NADSYN1: variants seen among roughly 807,000 people sequenced by gnomAD.
NADSYN1 encodes NAD synthetase 1, also known as glutamine-dependent NAD(+) synthetase.
In NADSYN1, 80 loss-of-function variants were observed where a neutral mutation model predicts 99.3. The ratio of observed to expected loss-of-function variants is 0.81; its 90% CI spans 0.67 to 0.97. The LOEUF (loss-of-function observed/expected upper bound fraction) is 0.97. Ranked by LOEUF, NADSYN1 falls within the 50% of genes least tolerant of loss-of-function variation. The pLI, the probability that NADSYN1 is intolerant of heterozygous loss-of-function variation, is 0.00. For missense variants in NADSYN1, 859 were observed against 948.5 expected (o/e 0.91, Z 1.24); for synonymous variants, 385 against 372.1 (o/e 1.03, Z -0.40).
At chr11:71,493,799 GTTA>G (rs1949800644) in intron 18 of NADSYN1, among the ~76,000 whole-genome samples, 1 of 152,054 alleles carries the variant, frequency 6.6e-6, no homozygotes, top group Admixed American at 6.6e-5. Context: ...GTTTTAAGCT[GTTA>G]TTATATGAGT....
chr11:71,475,303 A>C (rs895958243), intron 9 of NADSYN1: 6 of 153,426 alleles, frequency 3.9e-5, no homozygotes, highest in African/African-American at 1.4e-4. Flanking sequence ...CACTCTGGTC[A>C]GGGAGGCTTT....
At chr11:71,455,058 A>G (rs1949504010) in intron 1 of NADSYN1, 52 bp from the exon 2 acceptor site, 3 of 1,359,610 alleles carry the variant, frequency 2.2e-6, no homozygotes, top group Non-Finnish European at 3.1e-6. Flanking sequence ...TCTGTCTTTG[A>G]GTGTATAGGT....
intron 20 of NADSYN1, 80 bp from the exon 21 acceptor site, chr11:71,501,220 CCG>C: frequency 7.6e-7 from 1 of 1,307,902 alleles, no homozygotes; most frequent in Non-Finnish European, 1.0e-6. Flanking sequence ...GACTTGTGAC[CCG>C]CTTTTGGTGC....
chr11:71,458,566 G>A, intron 3 of NADSYN1, 22 bp downstream of exon 3: 2 of 1,557,942 alleles, frequency 1.3e-6, no homozygotes. Flanking sequence ...TGTGAGTGTG[G>A]AAGGGCAAAC....
intron 2 of NADSYN1, among the ~76,000 whole-genome samples, chr11:71,456,969 T>G (rs755641863): frequency 6.6e-6 from 1 of 152,226 alleles, no homozygotes; most frequent in Non-Finnish European, 1.5e-5. Context: ...CCAGAGACCC[T>G]CTCACCTAGA....
chr11:71,472,574 C>A, intron 6 of NADSYN1, 74 bp downstream of exon 6: 3 of 1,390,204 alleles, frequency 2.2e-6, no homozygotes, highest in Non-Finnish European at 3.1e-6. Flanking sequence ...CCAGGTGGGG[C>A]GGGAACGCTT....
intron 11 of NADSYN1, 153 bp from the exon 12 acceptor site, chr11:71,481,203 C>A: frequency 2.6e-6 from 2 of 764,566 alleles, no homozygotes; most frequent in Non-Finnish European, 4.4e-6. Context: ...CACATGTGTC[C>A]CTTCTCACGA....
chr11:71,464,402 G>A (rs1327305391), intron 5 of NADSYN1: 10 of 408,616 alleles, frequency 2.4e-5, no homozygotes, highest in Admixed American at 7.8e-5. Flanking sequence ...ACAATGTCCC[G>A]GGGTTTAAAT....
At chr11:71,490,602 G>A (rs545069153) in intron 16 of NADSYN1, among the ~76,000 whole-genome samples, 19 of 152,272 alleles carry the variant, frequency 1.2e-4, no homozygotes, top group East Asian at 1.2e-3. Flanking sequence ...TCCCAGCTCC[G>A]TGCTGGTGAC....
At chr11:71,467,219 C>G (rs1949598202) in intron 5 of NADSYN1, among the ~76,000 whole-genome samples, 1 of 152,116 alleles carries the variant, frequency 6.6e-6, no homozygotes, top group African/African-American at 2.4e-5. Context: ...TCCATGTGGA[C>G]CCAAGATGAG....
At chr11:71,456,502 A>T (rs375573075) in intron 2 of NADSYN1, among the ~76,000 whole-genome samples, 1 of 152,100 alleles carries the variant, frequency 6.6e-6, no homozygotes, top group East Asian at 1.9e-4. Flanking sequence ...CGGGGGCCTG[A>T]TCCTCATGTC....
chr11:71,480,776 C>A lies in NADSYN1; in HGVS notation c.895C>A (p.Pro299Thr), dbSNP rs1351922137. 2.5e-6 allele frequency: 4 copies of A among 1,614,058 alleles called. No individual in the cohort carries two copies. The highest frequency in any genetic ancestry group is 3.4e-6 in the Non-Finnish European group (4 of 1,180,036). The change falls in exon 11 of 21, where the codon CCC (proline) becomes ACC (threonine). Residue 299 changes from proline to threonine, a missense_variant. Physicochemically the swap from Pro to Thr is conservative, Grantham distance 38. Coordinates refer to ENST00000319023, the MANE Select transcript of NADSYN1 (RefSeq NM_018161.5). ...NLAASRASPY[P>T]RVKVDFALSC... is the part of the protein sequence containing the mutation. ...CCAGGCCAGCAGGGCGAGCCCCTAC[C>A]CCAGAGTGAAGGTGGACTTTGCCCT...
intron 16 of NADSYN1, among the ~76,000 whole-genome samples, chr11:71,490,201 G>A (rs538235872): frequency 3.3e-5 from 5 of 152,238 alleles, no homozygotes; most frequent in East Asian, 1.9e-4. Flanking sequence ...CGCCTCCTCC[G>A]TCTTCACCAC....
At chr11:71,498,559 T>G (rs1212338311) in intron 20 of NADSYN1, 31 bp downstream of exon 20, 4 of 1,608,756 alleles carry the variant, frequency 2.5e-6, no homozygotes, top group Non-Finnish European at 3.4e-6. Context: ...TCTCTCTCCA[T>G]GTTTCATGTC....
intron 2 of NADSYN1, among the ~76,000 whole-genome samples, chr11:71,456,497 G>T (rs990239533): frequency 6.6e-6 from 1 of 152,306 alleles, no homozygotes. Context: ...TGGTCCGGGG[G>T]CCTGATCCTC....
In NADSYN1 at chr11:71,482,538, G is replaced by A. The variant is rs149687524; in HGVS notation, c.1151-311G>A. 9.5e-3 allele frequency among the ~76,000 whole-genome samples: 1,401 copies of A among 147,654 alleles called. 15 individuals carry two copies. Among genetic ancestry groups the A allele is most frequent in the African/African-American group, 0.026 (1,036 of 39,680 alleles). ...TGGGGGTGTAGACCGGGGTGGAGCC[G>A]CATGGGCGCCTGGGGGCCGTAGACT... On this transcript the variant is annotated intron_variant, in intron 13 of 20. Transcript: ENST00000319023.
chr11:71,458,681 G>T, intron 3 of NADSYN1, 137 bp downstream of exon 3: 2 of 673,678 alleles, frequency 3.0e-6, no homozygotes, highest in Non-Finnish European at 5.3e-6. Context: ...TGCTTGAAAA[G>T]TGGGTTTTGT....
intron 15 of NADSYN1, chr11:71,484,755 G>A (rs1949731127): frequency 5.7e-6 from 2 of 352,984 alleles, no homozygotes; most frequent in South Asian, 7.1e-5. Flanking sequence ...GAGTGCAAGA[G>A]CAAGAGGGTG....
rs1479567332 is a variant in NADSYN1, at chr11:71,491,686, A to G, written c.1695-148A>G. The stretch of plus-strand genomic sequence containing the variant: ...GATGCTCACCCCCGCTGGAAAGCCC[A>G]GCACCGCAAGCCTTGGTGACGTCCT... On this transcript the variant is annotated intron_variant, in intron 17 of 20. Transcript: ENST00000319023. The G allele has an allele frequency of 4.7e-5, 32 of 687,798 alleles. No homozygotes were observed. The South Asian group carries it at 5.7e-4, about 12-fold the overall frequency. 42.6% of individuals were successfully genotyped at this position (687,798 alleles called of 1,614,324 possible). A position where few individuals can be genotyped will look rare whatever the true frequency, so the allele number is the denominator to read the frequency against.
Sources: gnomAD v4.1 joint callset for allele counts (sites outside exome capture counted in the v4.1 genomes callset) on GRCh38, gnomAD v4.1.1 for gene constraint, MANE v1.5 for transcripts, NCBI Gene and HGNC (gene_info 2026-07-23, HGNC 2026-07-21) for gene names.